BMAL2: variants seen among roughly 807,000 people sequenced by gnomAD.
BMAL2 encodes the protein basic helix-loop-helix ARNT like 2.
chr12:27,402,706 T>C, the BMAL2 span: 1 of 1,568,866 alleles, frequency 6.4e-7, no homozygotes, highest in East Asian at 2.3e-5. Context: ...GATGGAAGAC[T>C]TATTACTAAG....
chr12:27,385,471 T>C, the BMAL2 span: 1 of 1,588,636 alleles, frequency 6.3e-7, no homozygotes, highest in Non-Finnish European at 8.6e-7. Flanking sequence ...CTTGATGCCT[T>C]TCTTTTTAGG....
the BMAL2 span, among the ~76,000 whole-genome samples, chr12:27,359,494 C>T: frequency 6.6e-6 from 1 of 152,080 alleles, no homozygotes; most frequent in Non-Finnish European, 1.5e-5. Context: ...CCAGCCTGGT[C>T]AACACAGCGA....
the BMAL2 span, among the ~76,000 whole-genome samples, chr12:27,380,944 C>G: frequency 6.6e-5 from 10 of 151,636 alleles, no homozygotes; most frequent in Admixed American, 4.6e-4. Context: ...AGTAATCATG[C>G]CACTGCACTC....
the BMAL2 span, among the ~76,000 whole-genome samples, chr12:27,333,300 C>T: frequency 1.3e-5 from 2 of 151,902 alleles, no homozygotes; most frequent in African/African-American, 2.4e-5. Flanking sequence ...GCGCGGCGCC[C>T]GGCGCGTCCT....
the BMAL2 span, among the ~76,000 whole-genome samples, chr12:27,352,836 G>A: frequency 3.9e-5 from 6 of 152,068 alleles, no homozygotes; most frequent in African/African-American, 1.4e-4. Context: ...ATTCACAATA[G>A]CCGTTAAAAT....
chr12:27,357,986 T>C, the BMAL2 span, among the ~76,000 whole-genome samples: 1 of 151,984 alleles, frequency 6.6e-6, no homozygotes, highest in East Asian at 1.9e-4. Context: ...CAGAAGCAAA[T>C]GCAACAAAAG....
chr12:27,348,486 T>A, the BMAL2 span, among the ~76,000 whole-genome samples: 11 of 152,176 alleles, frequency 7.2e-5, no homozygotes, highest in Non-Finnish European at 1.3e-4. Flanking sequence ...TTTTTAATCT[T>A]AATTGACAAC....
the BMAL2 span, among the ~76,000 whole-genome samples, chr12:27,396,960 T>A: frequency 6.6e-6 from 1 of 152,006 alleles, no homozygotes; most frequent in Non-Finnish European, 1.5e-5. Flanking sequence ...CCAGGGAGAG[T>A]GTCTGTCAAG....
At chr12:27,377,920 C>T in the BMAL2 span, among the ~76,000 whole-genome samples, 2 of 152,000 alleles carry the variant, frequency 1.3e-5, no homozygotes, top group Non-Finnish European at 2.9e-5. Context: ...GTGGTAGCTC[C>T]CACAGCCTTC....
chr12:27,403,283 C>T, the BMAL2 span: 1 of 607,966 alleles, frequency 1.6e-6, no homozygotes, highest in South Asian at 2.0e-5. Flanking sequence ...CAAAGAGCAT[C>T]ATGAATTACA....
the BMAL2 span, among the ~76,000 whole-genome samples, chr12:27,404,967 G>A: frequency 3.2e-4 from 49 of 152,152 alleles, no homozygotes; most frequent in Non-Finnish European, 5.7e-4. Flanking sequence ...TGCCTGGCTC[G>A]GAGGGTCCTA....
At chr12:27,406,287 A>G in the BMAL2 span, among the ~76,000 whole-genome samples, 10 of 152,308 alleles carry the variant, frequency 6.6e-5, no homozygotes, top group African/African-American at 2.4e-4. Context: ...AAGACACATA[A>G]TTGTCAGATT....
At chr12:27,413,315 A>G in the BMAL2 span, among the ~76,000 whole-genome samples, 1 of 152,234 alleles carries the variant, frequency 6.6e-6, no homozygotes, top group Non-Finnish European at 1.5e-5. Context: ...AAATAATTAT[A>G]GCTACAATAA....
the BMAL2 span, chr12:27,390,533 T>C: frequency 1.0e-4 from 29 of 280,852 alleles, no homozygotes; most frequent in Admixed American, 1.6e-4. Context: ...AATAAAACTT[T>C]TGCTGTGAAA....
the BMAL2 span, among the ~76,000 whole-genome samples, chr12:27,348,706 A>T: frequency 2.6e-5 from 4 of 152,196 alleles, no homozygotes; most frequent in Admixed American, 1.3e-4. Context: ...ACTTTTTCTG[A>T]ATAGTTATAG....
chr12:27,400,497 A>G, the BMAL2 span: 2 of 1,485,042 alleles, frequency 1.3e-6, no homozygotes, highest in Non-Finnish European at 1.8e-6. Context: ...CTTATTTATA[A>G]TGATCCAAAT....
chr12:27,370,033 G>A, the BMAL2 span: 4 of 840,966 alleles, frequency 4.8e-6, no homozygotes, highest in Non-Finnish European at 8.0e-6. Context: ...CTGGGTAGCT[G>A]GACACAGTAG....
chr12:27,390,538 G>C, the BMAL2 span: 1 of 270,588 alleles, frequency 3.7e-6, no homozygotes, highest in Admixed American at 5.4e-5. Context: ...AACTTTTGCT[G>C]TGAAACTTCA....
chr12:27,380,247 A>G, the BMAL2 span: 7 of 1,613,812 alleles, frequency 4.3e-6, no homozygotes, highest in Non-Finnish European at 5.9e-6. Context: ...TCCCTCTTAG[A>G]GAAGCTCATA....
Sources: allele counts gnomAD v4.1 joint callset (sites outside exome capture counted in the v4.1 genomes callset), GRCh38; gene constraint gnomAD v4.1.1; transcripts MANE v1.5; gene names NCBI Gene and HGNC (gene_info 2026-07-23, HGNC 2026-07-21).